Variants in CCDC152 observed in about 807,000 individuals in gnomAD.
CCDC152 encodes coiled-coil domain containing 152, also known as coiled-coil domain-containing protein 152.
CCDC152 carries 37 observed loss-of-function variants against 38.1 expected under a neutral mutation model. That is an observed-to-expected ratio of 0.97 (90% CI 0.75 to 1.28). The LOEUF (loss-of-function observed/expected upper bound fraction) is 1.28, where lower values mean the gene tolerates loss of function less well. CCDC152 is among the 50% of genes most tolerant of loss of function. The probability of loss-of-function intolerance (pLI) is 0.00; values close to 1 mark genes in which losing one functional copy is unlikely to be tolerated. For missense variants in CCDC152, 259 were observed against 292.1 expected (o/e 0.89, Z 0.83); for synonymous variants, 83 against 87.1 (o/e 0.95, Z 0.26).
rs1185764655 is a variant in CCDC152 at position 42,802,319 on chromosome 5, C to G, written c.*2538C>G. 1 of 152,154 alleles carries G rather than the reference C, an allele frequency of 6.6e-6. No individual in the cohort carries two copies. The highest frequency in any genetic ancestry group is 1.5e-5 in the Non-Finnish European group (1 of 68,030). 9.4% of individuals were successfully genotyped at this position (152,154 alleles called of 1,614,324 possible). On this transcript the variant is annotated 3_prime_UTR_variant, in exon 9 of 9. Coordinates refer to ENST00000361970, the MANE Select transcript of CCDC152 (RefSeq NM_001134848.2). Reference sequence around the variant, plus strand: ...TGTAACAGTAAATCTCAACCTAAGGCTAATTTGCAAATAAAATTACAAAAT... The same window carrying G: ...TGTAACAGTAAATCTCAACCTAAGGGTAATTTGCAAATAAAATTACAAAAT...
At chr5:42,799,137 C>T (rs1261689886) in intron 7 of CCDC152, among the ~76,000 whole-genome samples, 1 of 150,694 alleles carries the variant, frequency 6.6e-6, no homozygotes, top group Non-Finnish European at 1.5e-5. Flanking sequence ...ACTTTAGAAA[C>T]AAAGAAAAAA....
chr5:42,769,590 A>G lies in CCDC152; in HGVS notation c.194-7A>G. The G allele has an allele frequency of 6.8e-7, 1 of 1,469,264 alleles. No homozygotes were observed. Among genetic ancestry groups the G allele is most frequent in the South Asian group, 1.4e-5 (1 of 71,766 alleles). The allele number at this position is 1,469,264 out of a possible 1,614,324, so 91.0% of individuals were successfully genotyped here. Reference sequence around the variant, plus strand: ...ATTTTAAAATAAATTTATCTTTTATATTTCAGAATGTGCTACTCTTCATAA... The same window carrying G: ...ATTTTAAAATAAATTTATCTTTTATGTTTCAGAATGTGCTACTCTTCATAA... On this transcript the variant is annotated splice_polypyrimidine_tract_variant and splice_region_variant and intron_variant, in intron 3 of 8. Transcript: ENST00000361970.
chr5:42,774,067 A>G (rs1170882339), intron 4 of CCDC152, among the ~76,000 whole-genome samples: 2 of 152,188 alleles, frequency 1.3e-5, no homozygotes, highest in Non-Finnish European at 2.9e-5. Flanking sequence ...AAAATCAACA[A>G]TTCTTAGACT....
chr5:42,783,304 A>T (rs1447994791), intron 5 of CCDC152, among the ~76,000 whole-genome samples, 170 bp from the exon 6 acceptor site: 1 of 152,056 alleles, frequency 6.6e-6, no homozygotes. Flanking sequence ...TAGAAAGGTG[A>T]AATTGTTCAT....
At chr5:42,792,096 G>A (rs1057169522) in intron 6 of CCDC152, among the ~76,000 whole-genome samples, 2 of 152,100 alleles carry the variant, frequency 1.3e-5, no homozygotes, top group Non-Finnish European at 2.9e-5. Flanking sequence ...GACTCCAAGG[G>A]CTTAGGGAAA....
In CCDC152 at chr5:42,801,308, A is replaced by C. The variant is rs752147663; in HGVS notation, c.*1527A>C. The C allele has an allele frequency of 1.9e-6, 3 of 1,609,798 alleles. No homozygotes were observed. The highest frequency in any genetic ancestry group is 2.2e-5 in the South Asian group (2 of 90,484). Reference sequence around the variant, plus strand: ...CCACAGTAGCCAAAGATACACGTTTACAAAAGTCTTCATCTTTGAGAGTCT... The same window carrying C: ...CCACAGTAGCCAAAGATACACGTTTCCAAAAGTCTTCATCTTTGAGAGTCT... On this transcript the variant is annotated 3_prime_UTR_variant, in exon 9 of 9. Coordinates refer to ENST00000361970, the MANE Select transcript of CCDC152 (RefSeq NM_001134848.2).
chr5:42,782,826 T>G (rs1220857165), intron 5 of CCDC152, among the ~76,000 whole-genome samples: 1 of 84,614 alleles, frequency 1.2e-5, no homozygotes, highest in African/African-American at 3.3e-5. Context: ...AACATCATGT[T>G]GTACATCATA....
At chr5:42,798,023 A>G (rs1348883223) in intron 7 of CCDC152, among the ~76,000 whole-genome samples, 1 of 152,140 alleles carries the variant, frequency 6.6e-6, no homozygotes, top group Non-Finnish European at 1.5e-5. Context: ...GTGATGGCAG[A>G]TGCCTGTTAT....
At chr5:42,793,272 C>A (rs531701250) in intron 6 of CCDC152, among the ~76,000 whole-genome samples, 1 of 152,182 alleles carries the variant, frequency 6.6e-6, no homozygotes, top group Non-Finnish European at 1.5e-5. Context: ...TCAATGTTTG[C>A]CAGTATTTGA....
chr5:42,789,076 G>C (rs1759963510), intron 6 of CCDC152, among the ~76,000 whole-genome samples: 1 of 152,226 alleles, frequency 6.6e-6, no homozygotes, highest in South Asian at 2.1e-4. Context: ...TCCTCAGGAA[G>C]TTCCTAAATG....
At chr5:42,797,869 C>T (rs532155327) in intron 7 of CCDC152, among the ~76,000 whole-genome samples, 5 of 151,916 alleles carry the variant, frequency 3.3e-5, no homozygotes, top group African/African-American at 9.7e-5. Flanking sequence ...TTGAGTAGGC[C>T]GGGTGTGGTG....
At chr5:42,757,314 C>G (rs1278281551) in intron 1 of CCDC152, among the ~76,000 whole-genome samples, 1 of 151,958 alleles carries the variant, frequency 6.6e-6, no homozygotes, top group Non-Finnish European at 1.5e-5. Context: ...GGGACCAGAG[C>G]GTGGGGCAGG....
chr5:42,757,603 C>T (rs1759497862), intron 1 of CCDC152, among the ~76,000 whole-genome samples: 1 of 152,132 alleles, frequency 6.6e-6, no homozygotes, highest in Non-Finnish European at 1.5e-5. Context: ...CAGGGCAAGA[C>T]CATATTCACT....
rs1238443079 is a variant in CCDC152, at chr5:42,774,029, A to C, written c.262+4364A>C. Among the ~76,000 whole-genome samples the C allele has an allele frequency of 3.3e-5, 5 of 152,194 alleles. No individual in the cohort carries two copies. The South Asian group carries it at 1.0e-3, about 31-fold the overall frequency. ...TCTCAGAAGTTGTCACGCCCTGCTAACAACAAGTAAAACATTGAGCAAACT... is the reference window on the plus strand; with the variant it reads ...TCTCAGAAGTTGTCACGCCCTGCTACCAACAAGTAAAACATTGAGCAAACT... On this transcript the variant is annotated intron_variant, in intron 4 of 8. Transcript: ENST00000361970.
chr5:42,785,811 A>G (rs1759913550), intron 6 of CCDC152, among the ~76,000 whole-genome samples: 5 of 151,990 alleles, frequency 3.3e-5, no homozygotes, highest in Admixed American at 2.0e-4. Context: ...TTCAATGCCT[A>G]TTTTTTAGGG....
chr5:42,762,828 C>G (rs1043289791), intron 3 of CCDC152, among the ~76,000 whole-genome samples: 1 of 152,080 alleles, frequency 6.6e-6, no homozygotes, highest in African/African-American at 2.4e-5. Flanking sequence ...CAATTGAAGT[C>G]TCAATACAGG....
At chr5:42,762,644 T>A in intron 3 of CCDC152, 96 bp downstream of exon 3, 1 of 714,138 alleles carries the variant, frequency 1.4e-6, no homozygotes. Flanking sequence ...TAAAGTGTTT[T>A]AAGTCCACAT....
intron 6 of CCDC152, among the ~76,000 whole-genome samples, chr5:42,787,819 C>A (rs1242496629): frequency 1.3e-5 from 2 of 152,118 alleles, no homozygotes; most frequent in African/African-American, 4.8e-5. Context: ...TTCGTCACCC[C>A]TTTACTTTGA....
chr5:42,797,073 G>C (rs959588945), intron 7 of CCDC152, 117 bp downstream of exon 7: 2 of 716,772 alleles, frequency 2.8e-6, no homozygotes, highest in Non-Finnish European at 4.4e-6. Flanking sequence ...CTGTGAGAGG[G>C]CTTCACACAT....
Sources: allele counts gnomAD v4.1 joint callset (sites outside exome capture counted in the v4.1 genomes callset), GRCh38; gene constraint gnomAD v4.1.1; transcripts MANE v1.5; gene names NCBI Gene and HGNC (gene_info 2026-07-23, HGNC 2026-07-21).